The following PLPPR1 variants were observed in gnomAD, a reference collection of about 807,000 sequenced individuals.
The protein encoded by PLPPR1 is phospholipid phosphatase-related protein type 1.
In PLPPR1, 10 loss-of-function variants were observed where a neutral mutation model predicts 33.1. That is an observed-to-expected ratio of 0.30 (90% CI 0.19 to 0.51). PLPPR1 has a LOEUF of 0.51. PLPPR1 is among the 20% of genes least tolerant of loss of function. The pLI is 0.97. For synonymous variants in PLPPR1, 151 were observed against 151.0 expected (o/e 1.00, Z 0.00); for missense variants, 304 against 408.1 (o/e 0.74, Z 2.20).
At chr9:101,044,730 G>C (rs986828274) in intron 1 of PLPPR1, among the ~76,000 whole-genome samples, 1 of 152,168 alleles carries the variant, frequency 6.6e-6, no homozygotes, top group African/African-American at 2.4e-5. Context: ...GTATGAATCA[G>C]ATGGAAATGC....
intron 2 of PLPPR1, among the ~76,000 whole-genome samples, chr9:101,206,578 C>A (rs1826591540): frequency 6.6e-6 from 1 of 152,066 alleles, no homozygotes; most frequent in Admixed American, 6.6e-5. Context: ...AGCAAGGGGG[C>A]AGAGGTGGGG....
chr9:101,124,733 G>A (rs767153759), intron 1 of PLPPR1, among the ~76,000 whole-genome samples: 5 of 151,954 alleles, frequency 3.3e-5, no homozygotes, highest in Non-Finnish European at 7.4e-5. Context: ...ATGTTTCGTG[G>A]GCACCCACAC....
At chr9:101,209,015 A>C (rs2118763296) in intron 2 of PLPPR1, among the ~76,000 whole-genome samples, 1 of 152,358 alleles carries the variant, frequency 6.6e-6, no homozygotes, top group South Asian at 2.1e-4. Flanking sequence ...ATAAACTGAA[A>C]GAATTCATTT....
At chr9:101,292,736 T>C (rs2118926495) in intron 4 of PLPPR1, among the ~76,000 whole-genome samples, 1 of 151,728 alleles carries the variant, frequency 6.6e-6, no homozygotes, top group Admixed American at 6.6e-5. Context: ...ATAAAATCCT[T>C]TACAGACAAG....
intron 2 of PLPPR1, among the ~76,000 whole-genome samples, chr9:101,234,905 G>T (rs1827268992): frequency 6.6e-6 from 1 of 151,820 alleles, no homozygotes; most frequent in Admixed American, 6.6e-5. Flanking sequence ...TGTTTCTTAA[G>T]ATTCAGAATT....
chr9:101,313,018 C>T (rs1828987172), intron 6 of PLPPR1, 44 bp downstream of exon 6: 7 of 1,580,966 alleles, frequency 4.4e-6, no homozygotes, highest in Non-Finnish European at 6.1e-6. Flanking sequence ...CTCTTCTACT[C>T]TCTGAAAAAC....
chr9:101,156,535 G>T (rs1320047806), intron 1 of PLPPR1, among the ~76,000 whole-genome samples: 1 of 128,202 alleles, frequency 7.8e-6, no homozygotes, highest in Non-Finnish European at 1.6e-5. Flanking sequence ...TGGGTGATGG[G>T]AGTCAAACCC....
chr9:101,217,774 T>G (rs1373538885), intron 2 of PLPPR1, among the ~76,000 whole-genome samples: 1 of 152,174 alleles, frequency 6.6e-6, no homozygotes, highest in Non-Finnish European at 1.5e-5. Context: ...CATATATTAA[T>G]GAATTGTCCA....
intron 1 of PLPPR1, among the ~76,000 whole-genome samples, chr9:101,087,547 C>A (rs546224915): frequency 3.3e-5 from 5 of 152,174 alleles, no homozygotes; most frequent in Non-Finnish European, 7.3e-5. Context: ...ACTTTTTATT[C>A]ACTCTAGCTT....
chr9:101,242,231 G>A (rs1827484643), intron 2 of PLPPR1, among the ~76,000 whole-genome samples: 2 of 151,576 alleles, frequency 1.3e-5, no homozygotes, highest in African/African-American at 2.4e-5. Context: ...CAAGGGAGGA[G>A]CTGGAATTCT....
At chr9:101,264,473 G>C (rs1827950866) in intron 2 of PLPPR1, among the ~76,000 whole-genome samples, 2 of 151,982 alleles carry the variant, frequency 1.3e-5, no homozygotes, top group Non-Finnish European at 2.9e-5. Context: ...AGTTCACCAG[G>C]CACCTGCAGC....
intron 4 of PLPPR1, among the ~76,000 whole-genome samples, chr9:101,298,250 T>A (rs955864532): frequency 6.6e-6 from 1 of 152,162 alleles, no homozygotes; most frequent in Non-Finnish European, 1.5e-5. Context: ...ACACAGTTGA[T>A]CCATTATTAC....
intron 7 of PLPPR1, among the ~76,000 whole-genome samples, chr9:101,323,633 A>G (rs1321348885): frequency 6.6e-6 from 1 of 152,140 alleles, no homozygotes; most frequent in Non-Finnish European, 1.5e-5. Flanking sequence ...TGAGGTCGGG[A>G]GTTCGATACC....
intron 1 of PLPPR1, among the ~76,000 whole-genome samples, chr9:101,076,102 A>G (rs755900927): frequency 2.0e-5 from 3 of 152,208 alleles, no homozygotes; most frequent in Admixed American, 1.3e-4. Flanking sequence ...AGCAGCATCA[A>G]TATCATCTGG....
intron 2 of PLPPR1, chr9:101,187,332 T>C (rs1170516226): frequency 6.6e-6 from 1 of 151,894 alleles, no homozygotes; most frequent in East Asian, 1.9e-4. Flanking sequence ...CTCCGAAGAT[T>C]TTCAGCTCTC....
intron 3 of PLPPR1, among the ~76,000 whole-genome samples, chr9:101,274,030 A>T (rs1277700887): frequency 6.6e-6 from 1 of 152,072 alleles, no homozygotes; most frequent in African/African-American, 2.4e-5. Context: ...CCATTAATTC[A>T]TTTTCCCCAA....
At chr9:101,287,563 C>T (rs558436665) in intron 4 of PLPPR1, among the ~76,000 whole-genome samples, 10 of 152,290 alleles carry the variant, frequency 6.6e-5, no homozygotes, top group South Asian at 4.1e-4. Context: ...TGCAGTGGCA[C>T]GACCTCGGCT....
At chr9:101,248,283 G>T (rs796341808) in intron 2 of PLPPR1, among the ~76,000 whole-genome samples, 12 of 152,208 alleles carry the variant, frequency 7.9e-5, no homozygotes, top group African/African-American at 2.6e-4. Flanking sequence ...CATTAACTGT[G>T]TAAGAATATA....
chr9:101,201,509 T>C (rs1273658244), intron 2 of PLPPR1, among the ~76,000 whole-genome samples: 1 of 152,162 alleles, frequency 6.6e-6, no homozygotes, highest in Non-Finnish European at 1.5e-5. Context: ...TGACAAAATA[T>C]CTGTGTGACC....
Sources: allele counts gnomAD v4.1 joint callset (sites outside exome capture counted in the v4.1 genomes callset), GRCh38; gene constraint gnomAD v4.1.1; transcripts MANE v1.5; gene names NCBI Gene and HGNC (gene_info 2026-07-23, HGNC 2026-07-21).